The following NRXN1 variants were observed in gnomAD, a reference collection of about 807,000 sequenced individuals.
The protein encoded by NRXN1 is neurexin 1, also known as neurexin-1.
NRXN1 carries 39 observed loss-of-function variants against 150.9 expected under a neutral mutation model. The observed-to-expected ratio is 0.26, with a 90% CI of 0.20 to 0.34. NRXN1 has a LOEUF of 0.34. Ranked by LOEUF, NRXN1 falls within the 10% of genes least tolerant of loss-of-function variation. The probability of loss-of-function intolerance (pLI) is 1.00; values close to 1 mark genes in which losing one functional copy is unlikely to be tolerated. For missense variants in NRXN1, 1,815 were observed against 1,949.9 expected (o/e 0.93, Z 1.30); for synonymous variants, 924 against 757.0 (o/e 1.22, Z -3.62).
chr2:50,407,043 C>T (rs574937883), intron 17 of NRXN1, among the ~76,000 whole-genome samples: 8 of 152,196 alleles, frequency 5.3e-5, no homozygotes, highest in African/African-American at 1.4e-4. Context: ...GAAGAAATTT[C>T]CTACAGACTC....
intron 19 of NRXN1, among the ~76,000 whole-genome samples, chr2:50,086,824 G>C (rs1198480362): frequency 2.1e-5 from 1 of 48,530 alleles, no homozygotes. Context: ...AGAAGAATGA[G>C]AGAGAGAGAG....
At chr2:50,711,329 CTTTTTTTTTTT>C (rs765521627) in intron 5 of NRXN1, among the ~76,000 whole-genome samples, 3 of 89,876 alleles carry the variant, frequency 3.3e-5, no homozygotes, top group African/African-American at 1.4e-4. Context: ...AGGTACTGGA[CTTTTTTTTTTT>C]TTTTTTTTTT....
At chr2:50,888,789 CTT>C (rs1255243536) in intron 5 of NRXN1, among the ~76,000 whole-genome samples, 4 of 150,128 alleles carry the variant, frequency 2.7e-5, no homozygotes, top group Non-Finnish European at 4.5e-5. Flanking sequence ...TGGCTTAACT[CTT>C]GTTTGATTTT....
chr2:49,939,788 A>G (rs1671661804), intron 22 of NRXN1, among the ~76,000 whole-genome samples: 1 of 152,200 alleles, frequency 6.6e-6, no homozygotes. Context: ...TCTTCAATAT[A>G]TTAATTAATA....
chr2:49,957,990 C>T (rs1210665210), intron 21 of NRXN1, among the ~76,000 whole-genome samples: 2 of 152,110 alleles, frequency 1.3e-5, no homozygotes, highest in East Asian at 3.9e-4. Flanking sequence ...TTCCCTATGT[C>T]TTACTGAAAT....
intron 17 of NRXN1, among the ~76,000 whole-genome samples, chr2:50,261,448 T>C (rs1029003690): frequency 2.0e-5 from 3 of 151,796 alleles, no homozygotes; most frequent in Non-Finnish European, 4.4e-5. Flanking sequence ...GATTATGTTC[T>C]CAGCCAATGT....
At chr2:50,859,853 T>C (rs1675864619) in intron 5 of NRXN1, among the ~76,000 whole-genome samples, 1 of 151,688 alleles carries the variant, frequency 6.6e-6, no homozygotes, top group Non-Finnish European at 1.5e-5. Flanking sequence ...TGTGTGTGTG[T>C]GTGTGTGTGT....
intron 5 of NRXN1, among the ~76,000 whole-genome samples, chr2:50,819,996 A>G (rs931878003): frequency 6.6e-6 from 1 of 152,090 alleles, no homozygotes; most frequent in Non-Finnish European, 1.5e-5. Context: ...TCCACTGCAC[A>G]TGTTGGTTAC....
At chr2:50,132,436 T>G (rs12713087) in intron 18 of NRXN1, among the ~76,000 whole-genome samples, 139,630 of 151,738 alleles carry the variant, frequency 0.92, 64,409 homozygotes, top group East Asian at 1. Flanking sequence ...CTTCCGAGTA[T>G]CTGGGACTAC....
rs72881232 is a variant in NRXN1, at chr2:50,139,318, T to A, written c.3547-47824A>T. Among the ~76,000 whole-genome samples, 57 of 130,822 alleles carry A rather than the reference T, an allele frequency of 4.4e-4. 1 individual carries two copies. The highest frequency in any genetic ancestry group is 3.8e-3 in the Admixed American group (50 of 13,094). 85.8% of individuals were successfully genotyped at this position (130,822 alleles called of 152,430 possible). A position where few individuals can be genotyped will look rare whatever the true frequency, so the allele number is the denominator to read the frequency against. On this transcript the variant is annotated intron_variant, in intron 18 of 22. Transcript: ENST00000401669. ...TCCAGCCAGGCAACAGAGCGAGACT[T>A]GGTATCAAAAAAAAAAAAAAAAAAA...
chr2:50,722,690 T>G (rs1288608955), intron 5 of NRXN1, among the ~76,000 whole-genome samples: 1 of 152,208 alleles, frequency 6.6e-6, no homozygotes, highest in African/African-American at 2.4e-5. Flanking sequence ...TTTTCTTTTG[T>G]AATTAGAAAA....
At chr2:50,134,491 A>G (rs1706077657) in intron 18 of NRXN1, among the ~76,000 whole-genome samples, 2 of 152,190 alleles carry the variant, frequency 1.3e-5, no homozygotes, top group Non-Finnish European at 2.9e-5. Flanking sequence ...AGCTTTATTA[A>G]GAAAGCCTTC....
intron 16 of NRXN1, among the ~76,000 whole-genome samples, chr2:50,469,169 C>T (rs1192420902): frequency 6.6e-6 from 1 of 151,464 alleles, no homozygotes; most frequent in Non-Finnish European, 1.5e-5. Flanking sequence ...GAATTAGAAA[C>T]CCTGGGGGTT....
intron 16 of NRXN1, among the ~76,000 whole-genome samples, chr2:50,470,150 G>T (rs2089319210): frequency 6.6e-6 from 1 of 151,616 alleles, no homozygotes; most frequent in South Asian, 2.1e-4. Context: ...TAACAAATAT[G>T]TTCCATAAGG....
intron 5 of NRXN1, among the ~76,000 whole-genome samples, chr2:50,694,429 T>TA (rs1692525199): frequency 6.6e-6 from 1 of 152,186 alleles, no homozygotes; most frequent in Admixed American, 6.5e-5. Flanking sequence ...CTGTATACTA[T>TA]AAAAAACATT....
At chr2:50,288,599 A>G (rs564226350) in intron 17 of NRXN1, among the ~76,000 whole-genome samples, 1 of 152,198 alleles carries the variant, frequency 6.6e-6, no homozygotes, top group Non-Finnish European at 1.5e-5. Context: ...ATCATGGCAG[A>G]AGGTGAATGA....
chr2:50,636,150 G>C (rs1683207948), intron 5 of NRXN1, among the ~76,000 whole-genome samples: 1 of 151,982 alleles, frequency 6.6e-6, no homozygotes, highest in East Asian at 1.9e-4. Context: ...TTGAAGTATT[G>C]TAAATAGAAA....
intron 17 of NRXN1, among the ~76,000 whole-genome samples, chr2:50,398,828 G>C (rs1478442764): frequency 1.3e-5 from 2 of 152,088 alleles, no homozygotes. Context: ...TAGTACAAAA[G>C]TGGTATGCTA....
intron 17 of NRXN1, among the ~76,000 whole-genome samples, chr2:50,270,974 T>G (rs2069538334): frequency 6.6e-6 from 1 of 152,140 alleles, no homozygotes; most frequent in Non-Finnish European, 1.5e-5. Context: ...CAGATATAGG[T>G]TTTTGAATAA....
Sources: gnomAD v4.1 joint callset for allele counts (sites outside exome capture counted in the v4.1 genomes callset) on GRCh38, gnomAD v4.1.1 for gene constraint, MANE v1.5 for transcripts, NCBI Gene and HGNC (gene_info 2026-07-23, HGNC 2026-07-21) for gene names.